SLC30A8: variants seen among roughly 807,000 people sequenced by gnomAD.
SLC30A8 encodes the protein proton-coupled zinc antiporter SLC30A8.
SLC30A8 carries 27 observed loss-of-function variants against 36.9 expected under a neutral mutation model. The observed-to-expected ratio is 0.73, with a 90% confidence interval of 0.54 to 1.01. SLC30A8 has a LOEUF of 1.01. Ranked by LOEUF, SLC30A8 falls within the 50% of genes least tolerant of loss-of-function variation. The probability of loss-of-function intolerance (pLI) is 0.00; values close to 1 mark genes in which losing one functional copy is unlikely to be tolerated. For missense variants in SLC30A8, 439 were observed against 452.0 expected (o/e 0.97, Z 0.26); for synonymous variants, 164 against 172.4 (o/e 0.95, Z 0.38).
chr8:117,010,950 C>T (rs1252270076), intron 1 of SLC30A8, among the ~76,000 whole-genome samples: 2 of 152,208 alleles, frequency 1.3e-5, no homozygotes, highest in African/African-American at 4.8e-5. Context: ...CACCTTCCAC[C>T]AGGCCCCACC....
chr8:116,962,243 A>G (rs1814449388), intron 1 of SLC30A8, among the ~76,000 whole-genome samples: 1 of 151,992 alleles, frequency 6.6e-6, no homozygotes, highest in Non-Finnish European at 1.5e-5. Context: ...GCCGGCAGTG[A>G]TGACTTTTGG....
chr8:117,097,568 AAT>A (rs1324199076), intron 2 of SLC30A8, among the ~76,000 whole-genome samples: 3 of 107,798 alleles, frequency 2.8e-5, no homozygotes, highest in Non-Finnish European at 5.1e-5. Context: ...TATTATATAT[AAT>A]ATATAATTTT....
At chr8:116,991,659 T>A (rs1815649868) in intron 1 of SLC30A8, among the ~76,000 whole-genome samples, 2 of 152,214 alleles carry the variant, frequency 1.3e-5, no homozygotes, top group Admixed American at 1.3e-4. Context: ...ATTTGTGGCA[T>A]CAGTTGTAAA....
At chr8:117,003,617 T>C (rs892952852) in intron 1 of SLC30A8, among the ~76,000 whole-genome samples, 2 of 152,166 alleles carry the variant, frequency 1.3e-5, no homozygotes, top group African/African-American at 4.8e-5. Flanking sequence ...ACTATGGAAC[T>C]TGGCCATGGA....
chr8:117,095,351 C>T (rs571143700), intron 2 of SLC30A8, among the ~76,000 whole-genome samples: 3 of 152,158 alleles, frequency 2.0e-5, no homozygotes, highest in South Asian at 4.2e-4. Flanking sequence ...ATATTACTAG[C>T]ATTACTAGTT....
intron 1 of SLC30A8, among the ~76,000 whole-genome samples, chr8:116,962,537 C>T (rs1814457516): frequency 6.6e-6 from 1 of 151,930 alleles, no homozygotes; most frequent in Non-Finnish European, 1.5e-5. Context: ...GCATTAAGGT[C>T]ACAGGATTTT....
At chr8:117,044,206 G>A (rs753138721) in intron 2 of SLC30A8, among the ~76,000 whole-genome samples, 1 of 152,152 alleles carries the variant, frequency 6.6e-6, no homozygotes, top group Admixed American at 6.5e-5. Context: ...GGGTATCCGC[G>A]TACACAAAGG....
chr8:117,054,342 C>T (rs1817802386), intron 2 of SLC30A8, among the ~76,000 whole-genome samples: 1 of 152,092 alleles, frequency 6.6e-6, no homozygotes, highest in South Asian at 2.1e-4. Flanking sequence ...TTCGAGCAAT[C>T]CCCTTGTCTC....
upstream of SLC30A8, among the ~76,000 whole-genome samples, chr8:117,130,934 T>C (rs914527835): frequency 6.6e-6 from 1 of 151,978 alleles, no homozygotes; most frequent in African/African-American, 2.4e-5. Context: ...GCTAGTTCAT[T>C]TTTCTGTCAT....
chr8:116,979,667 G>A (rs73312226), intron 1 of SLC30A8, among the ~76,000 whole-genome samples: 7,862 of 152,270 alleles, frequency 0.052, 673 homozygotes, highest in African/African-American at 0.18. Context: ...GCACAGAGCA[G>A]AAGTGTGAGG....
intron 4 of SLC30A8, among the ~76,000 whole-genome samples, chr8:117,159,891 T>C (rs887734582): frequency 6.6e-6 from 1 of 152,192 alleles, no homozygotes; most frequent in South Asian, 2.1e-4. Context: ...TAAACAGATA[T>C]CATCCAAATT....
intron 1 of SLC30A8, among the ~76,000 whole-genome samples, chr8:116,962,914 G>T (rs3020116): frequency 0.59 from 89,200 of 151,652 alleles, 26,700 homozygotes; most frequent in Middle Eastern, 0.63. Flanking sequence ...CCAAAGCAGG[G>T]TACAAGGCAG....
At chr8:117,102,512 C>T (rs1819770865) in intron 2 of SLC30A8, among the ~76,000 whole-genome samples, 1 of 152,118 alleles carries the variant, frequency 6.6e-6, no homozygotes, top group African/African-American at 2.4e-5. Flanking sequence ...TAATAAATCA[C>T]TACAAACTGA....
chr8:117,072,356 T>A (rs922675031), intron 2 of SLC30A8, among the ~76,000 whole-genome samples: 1 of 152,222 alleles, frequency 6.6e-6, no homozygotes, highest in Admixed American at 6.5e-5. Flanking sequence ...GTTGTCTCTT[T>A]ATTTGACCCT....
intron 2 of SLC30A8, among the ~76,000 whole-genome samples, chr8:117,095,952 A>G (rs1819341148): frequency 6.6e-6 from 1 of 152,100 alleles, no homozygotes; most frequent in African/African-American, 2.4e-5. Flanking sequence ...GTTCAGGGAA[A>G]TTTTTCCTGA....
rs561300276 is a variant in SLC30A8 at position 117,045,823 on chromosome 8, C to G, written c.-226+6565C>G. ...ACTAACGTGAATCTGAACTTACCGA[C>G]CTCTTCAGACCAGCCGATGGCCCCG... On this transcript the variant is annotated intron_variant, in intron 2 of 10. Coordinates refer to the SLC30A8 transcript ENST00000427715. 1.5e-3 allele frequency among the ~76,000 whole-genome samples: 236 copies of G among 152,314 alleles called. 2 individuals carry two copies. Among genetic ancestry groups the G allele is most frequent in the African/African-American group, 5.2e-3 (218 of 41,568 alleles).
At chr8:117,052,650 T>C (rs1437033224) in intron 2 of SLC30A8, among the ~76,000 whole-genome samples, 1 of 152,194 alleles carries the variant, frequency 6.6e-6, no homozygotes, top group East Asian at 1.9e-4. Flanking sequence ...GCTAATATTA[T>C]AGAGTTGTGG....
intron 2 of SLC30A8, among the ~76,000 whole-genome samples, chr8:117,046,733 T>G (rs1586439097): frequency 6.6e-6 from 1 of 152,224 alleles, no homozygotes; most frequent in South Asian, 2.1e-4. Flanking sequence ...TCTCTTTCTC[T>G]GCATGTCTGC....
Position 117,135,417 on chromosome 8 carries a change from T to A in SLC30A8, c.71+19T>A, listed in dbSNP as rs1424949047. 21 of 1,554,812 alleles carry A rather than the reference T, an allele frequency of 1.4e-5. No individual in the cohort carries two copies. Among genetic ancestry groups the A allele is most frequent in the Non-Finnish European group, 1.8e-5 (21 of 1,141,298 alleles). On this transcript the variant is annotated intron_variant, in intron 1 of 7. Transcript: ENST00000456015. ...TAGAAAGGTAATAGATGTCTGTGTC[T>A]GCTTCACAATTTTCTCTGTTGAATA...
Sources: allele counts gnomAD v4.1 joint callset (sites outside exome capture counted in the v4.1 genomes callset), GRCh38; gene constraint gnomAD v4.1.1; transcripts MANE v1.5; gene names NCBI Gene and HGNC (gene_info 2026-07-23, HGNC 2026-07-21).